The following LRRC28 variants were observed in gnomAD, a reference collection of about 807,000 sequenced individuals.
The protein encoded by LRRC28 is leucine-rich repeat-containing protein 28.
LRRC28 carries 39 observed loss-of-function variants against 45.7 expected under a neutral mutation model. That is an observed-to-expected ratio of 0.85 (90% CI 0.66 to 1.12). LRRC28 has a LOEUF of 1.12. LRRC28 is among the 50% of genes most tolerant of loss of function. The probability of loss-of-function intolerance (pLI) is 0.00; values close to 1 mark genes in which losing one functional copy is unlikely to be tolerated. For synonymous variants in LRRC28, 206 were observed against 178.8 expected (o/e 1.15, Z -1.22); for missense variants, 435 against 438.5 (o/e 0.99, Z 0.07).
At chr15:99,306,888 T>C (rs912642939) in intron 5 of LRRC28, among the ~76,000 whole-genome samples, 9 of 152,242 alleles carry the variant, frequency 5.9e-5, no homozygotes, top group Non-Finnish European at 1.0e-4. Context: ...GTTTCCTTCT[T>C]GCTGGTGCGT....
chr15:99,342,400 T>C (rs1956544620), intron 6 of LRRC28, among the ~76,000 whole-genome samples: 1 of 152,182 alleles, frequency 6.6e-6, no homozygotes, highest in Non-Finnish European at 1.5e-5. Flanking sequence ...GATGCGCCTT[T>C]CAATCCCAGC....
Position 99,368,904 on chromosome 15 carries a change from A to G in LRRC28, c.1031+5639A>G, listed in dbSNP as rs571002729. Reference sequence around the variant, plus strand: ...CTCTCTCCTCTTGTATTTTACTCACATCTATAAGCAGCAAGAAGAAACCAA... The same window carrying G: ...CTCTCTCCTCTTGTATTTTACTCACGTCTATAAGCAGCAAGAAGAAACCAA... On this transcript the variant is annotated intron_variant, in intron 9 of 9. Coordinates refer to ENST00000301981, the MANE Select transcript of LRRC28 (RefSeq NM_144598.5). Among the ~76,000 whole-genome samples, 3 of 152,294 alleles carry G rather than the reference A, an allele frequency of 2.0e-5. No individual in the cohort carries two copies. The East Asian group carries it at 5.8e-4, about 29-fold the overall frequency.
intron 9 of LRRC28, among the ~76,000 whole-genome samples, chr15:99,381,150 C>G (rs1009141590): frequency 6.6e-6 from 1 of 152,166 alleles, no homozygotes; most frequent in Non-Finnish European, 1.5e-5. Flanking sequence ...TCCATTCTCC[C>G]CATCACTTTC....
chr15:99,385,956 A>G (rs924687072), intron 9 of LRRC28, 74 bp from the exon 10 acceptor site: 23 of 1,359,440 alleles, frequency 1.7e-5, no homozygotes, highest in Middle Eastern at 1.8e-4. Flanking sequence ...CAAAGAAAAA[A>G]GTTTCCAGCA....
chr15:99,278,160 A>G (rs1003553976), intron 3 of LRRC28, among the ~76,000 whole-genome samples: 5 of 152,112 alleles, frequency 3.3e-5, no homozygotes, highest in African/African-American at 1.2e-4. Flanking sequence ...CCCTTTAATT[A>G]CTTTCTTTAG....
At position 99,389,477 on chromosome 15, in the gene LRRC28, TAAACAC is replaced by T. The variant is rs1158107617; in HGVS notation, c.*3378_*3383del. 1.3e-5 allele frequency: 2 copies of T among 152,238 alleles called. No individual in the cohort carries two copies. The highest frequency in any genetic ancestry group is 2.9e-5 in the Non-Finnish European group (2 of 68,040). The allele number at this position is 152,238 out of a possible 1,614,324, so 9.4% of individuals were successfully genotyped here. On this transcript the variant is annotated 3_prime_UTR_variant, in exon 10 of 10. Transcript: ENST00000301981. ...ATTCTAATCTTTGCTATAAAGTACT[TAAACAC>T]AATACATTGCCTCAGCATAAATAAA...
At chr15:99,308,523 T>G (rs997954313) in intron 5 of LRRC28, among the ~76,000 whole-genome samples, 1 of 151,974 alleles carries the variant, frequency 6.6e-6, no homozygotes, top group African/African-American at 2.4e-5. Context: ...AATAAAAAAC[T>G]TAGTTAGGCG....
At chr15:99,376,054 T>C (rs1045713892) in intron 9 of LRRC28, among the ~76,000 whole-genome samples, 10 of 152,116 alleles carry the variant, frequency 6.6e-5, no homozygotes, top group Admixed American at 1.3e-4. Flanking sequence ...AAGTCTCAAA[T>C]CAATAATCTA....
intron 6 of LRRC28, among the ~76,000 whole-genome samples, chr15:99,344,031 C>A (rs778827706): frequency 6.6e-6 from 1 of 152,154 alleles, no homozygotes; most frequent in Non-Finnish European, 1.5e-5. Context: ...CCAGGCTGTG[C>A]TGTGCCAACT....
chr15:99,367,932 G>A (rs1442838189), intron 9 of LRRC28, among the ~76,000 whole-genome samples: 5 of 152,054 alleles, frequency 3.3e-5, no homozygotes, highest in African/African-American at 1.2e-4. Context: ...TTGTGTCTTG[G>A]TCTTTCTGGT....
At chr15:99,346,060 C>T (rs776844442) in intron 6 of LRRC28, among the ~76,000 whole-genome samples, 3 of 152,218 alleles carry the variant, frequency 2.0e-5, no homozygotes, top group Non-Finnish European at 2.9e-5. Flanking sequence ...TGGCTCACTG[C>T]AGCCTTGAAG....
At chr15:99,288,031 A>C (rs550122651) in intron 5 of LRRC28, 80 bp downstream of exon 5, 7 of 1,334,362 alleles carry the variant, frequency 5.2e-6, no homozygotes, top group Non-Finnish European at 6.0e-6. Flanking sequence ...TGTCTAGGCA[A>C]TGAGCTGTAG....
chr15:99,333,884 T>G, intron 5 of LRRC28, 39 bp from the exon 6 acceptor site: 1 of 1,598,154 alleles, frequency 6.3e-7, no homozygotes, highest in Non-Finnish European at 8.6e-7. Context: ...TTTCAGTTCA[T>G]AAGGATGCAA....
chr15:99,308,055 A>G (rs755603935), intron 5 of LRRC28, among the ~76,000 whole-genome samples: 24 of 152,240 alleles, frequency 1.6e-4, no homozygotes, highest in Non-Finnish European at 2.4e-4. Context: ...AGAAATGATG[A>G]TGGCTTGCAC....
chr15:99,322,482 C>T (rs1292558443), intron 5 of LRRC28, among the ~76,000 whole-genome samples: 1 of 152,064 alleles, frequency 6.6e-6, no homozygotes, highest in African/African-American at 2.4e-5. Flanking sequence ...GGGCCCTCAC[C>T]TACCTTTGTT....
intron 5 of LRRC28, among the ~76,000 whole-genome samples, chr15:99,331,424 C>T (rs1202033612): frequency 2.0e-5 from 3 of 152,156 alleles, no homozygotes; most frequent in Admixed American, 1.3e-4. Context: ...CCGATCAAAC[C>T]TACCTCATGC....
chr15:99,294,374 C>G (rs1464635809), intron 5 of LRRC28, among the ~76,000 whole-genome samples: 1 of 151,830 alleles, frequency 6.6e-6, no homozygotes, highest in Non-Finnish European at 1.5e-5. Context: ...TTGCCCTTAT[C>G]TCAAGACTAG....
chr15:99,313,153 A>G (rs73473382), intron 5 of LRRC28, among the ~76,000 whole-genome samples: 4,406 of 152,216 alleles, frequency 0.029, 220 homozygotes, highest in African/African-American at 0.1. Flanking sequence ...AACAGACACA[A>G]TACACTTTAA....
chr15:99,303,914 C>T (rs1224918813), intron 5 of LRRC28, among the ~76,000 whole-genome samples: 2 of 152,038 alleles, frequency 1.3e-5, no homozygotes, highest in South Asian at 2.1e-4. Context: ...TTGTCCCCCC[C>T]ACTGGATGTA....
Sources: gnomAD v4.1 joint callset for allele counts (sites outside exome capture counted in the v4.1 genomes callset) on GRCh38, gnomAD v4.1.1 for gene constraint, MANE v1.5 for transcripts, NCBI Gene and HGNC (gene_info 2026-07-23, HGNC 2026-07-21) for gene names.